ALMS1: variants seen among roughly 807,000 people sequenced by gnomAD.
ALMS1 encodes the protein ALMS1 centrosome and basal body associated protein.
In ALMS1, 271 loss-of-function variants were observed where a neutral mutation model predicts 352.2. The observed-to-expected ratio is 0.77, with a 90% confidence interval of 0.70 to 0.85. The LOEUF (loss-of-function observed/expected upper bound fraction) is 0.85, where lower values mean the gene tolerates loss of function less well. ALMS1 is among the 40% of genes least tolerant of loss of function. ALMS1 has a pLI of 0.00. For synonymous variants in ALMS1, 1,865 were observed against 1,761.2 expected (o/e 1.06, Z -1.48); for missense variants, 5,445 against 4,870.7 (o/e 1.12, Z -3.51).
chr2:73,491,914 C>T (rs977754520), intron 10 of ALMS1, among the ~76,000 whole-genome samples: 1 of 152,130 alleles, frequency 6.6e-6, no homozygotes, highest in Non-Finnish European at 1.5e-5. Context: ...CTCTCTGGTT[C>T]CATTTCATGA....
At chr2:73,571,317 A>G (rs138539346) in intron 15 of ALMS1, among the ~76,000 whole-genome samples, 1 of 152,324 alleles carries the variant, frequency 6.6e-6, no homozygotes, top group Non-Finnish European at 1.5e-5. Context: ...TTGATGTCAT[A>G]TCAGAGATTA....
chr2:73,440,569 G>A (rs1226387689), intron 7 of ALMS1, among the ~76,000 whole-genome samples: 2 of 151,400 alleles, frequency 1.3e-5, no homozygotes, highest in Non-Finnish European at 2.9e-5. Flanking sequence ...AATCATGGGC[G>A]TGTGCTACCA....
chr2:73,411,235 T>C lies in ALMS1; in HGVS notation c.450+2488T>C, dbSNP rs374215355. The stretch of plus-strand genomic sequence containing the variant: ...CAAGGAGAAGATGGCCGTGTGAAGA[T>C]GGAGGCAGAAATTGGAATTATGCTG... On this transcript the variant is annotated intron_variant, in intron 2 of 22. Coordinates refer to ENST00000613296, the MANE Select transcript of ALMS1 (RefSeq NM_001378454.1). Among the ~76,000 whole-genome samples the C allele has an allele frequency of 8.6e-5, 13 of 151,624 alleles. No individual in the cohort carries two copies. In the East Asian group the frequency reaches 1.2e-3, roughly 14 times the overall value.
intron 12 of ALMS1, among the ~76,000 whole-genome samples, chr2:73,539,399 G>T (rs1184757964): frequency 6.6e-6 from 1 of 151,990 alleles, no homozygotes. Flanking sequence ...AAAGACCAAA[G>T]GTAGATAAAA....
In ALMS1 at chr2:73,424,583, T is replaced by G; in HGVS notation, c.918T>G (p.Val306=). The G allele has an allele frequency of 6.2e-7, 1 of 1,614,024 alleles. No individual in the cohort carries two copies. Among genetic ancestry groups the G allele is most frequent in the South Asian group, 1.1e-5 (1 of 91,080 alleles). The part of the protein sequence containing the change: ...SQHPLIGSTA[V]GSQCPFLPSE... ...ACCCGCTTATAGGCAGCACAGCTGTTGGGTCTCAGTGCCCTTTTTTACCTT... is the reference window on the plus strand; with the variant it reads ...ACCCGCTTATAGGCAGCACAGCTGTGGGGTCTCAGTGCCCTTTTTTACCTT... The change falls in exon 5 of 23, where the codon GTT becomes GTG. Residue 306 remains valine (V), a synonymous_variant. Transcript: ENST00000613296.
chr2:73,488,140 GTCTGCCATC>G lies in ALMS1; in HGVS notation c.7675-1483_7675-1475del, dbSNP rs368612220. On this transcript the variant is annotated intron_variant, in intron 9 of 22. Coordinates refer to ENST00000613296, the MANE Select transcript of ALMS1 (RefSeq NM_001378454.1). Reference sequence around the variant, plus strand: ...CCTGCCCCTTTCTGCCCAGGAGCCTGTCTGCCATCTCTGCCATCTACGGTACCCATGGCA... The same window carrying G: ...CCTGCCCCTTTCTGCCCAGGAGCCTGTCTGCCATCTACGGTACCCATGGCA... 4.0e-3 allele frequency among the ~76,000 whole-genome samples: 604 copies of G among 152,326 alleles called. 5 individuals carry two copies. The highest frequency in any genetic ancestry group is 0.012 in the African/African-American group (501 of 41,578).
In ALMS1 at chr2:73,452,074, T is replaced by C; in HGVS notation, c.5547T>C (p.Asn1849=). 6.2e-7 allele frequency: 1 copy of C among 1,614,084 alleles called. No individual in the cohort carries two copies. Among genetic ancestry groups the C allele is most frequent in the Non-Finnish European group, 8.5e-7 (1 of 1,180,004 alleles). ...QKTGINILPS[N]SYPQREHSVI... is the part of the protein sequence containing the mutation. ...CTGGAATAAACATCCTGCCCTCTAA[T>C]TCCTACCCACAGAGAGAGCACTCTG... Residue 1849 remains asparagine (N), a synonymous_variant, in exon 8 of 23, where the codon AAT becomes AAC. Coordinates refer to ENST00000613296, the MANE Select transcript of ALMS1 (RefSeq NM_001378454.1).
chr2:73,590,713 C>G (rs1166560322), intron 16 of ALMS1, among the ~76,000 whole-genome samples: 6 of 130,090 alleles, frequency 4.6e-5, no homozygotes, highest in Non-Finnish European at 9.3e-5. Context: ...ATGTCTCGCT[C>G]TGTCACCCAG....
At chr2:73,411,032 G>A (rs1049662919) in intron 2 of ALMS1, among the ~76,000 whole-genome samples, 2 of 151,900 alleles carry the variant, frequency 1.3e-5, no homozygotes, top group Admixed American at 6.6e-5. Flanking sequence ...GTTTTGGGTC[G>A]AATTGTGCCC....
At chr2:73,481,154 A>G (rs1018407947) in intron 9 of ALMS1, among the ~76,000 whole-genome samples, 8 of 152,128 alleles carry the variant, frequency 5.3e-5, no homozygotes, top group East Asian at 1.9e-4. Flanking sequence ...CCTTGCCCAC[A>G]CCTATGTCCT....
At chr2:73,568,599 G>C (rs1184934455) in intron 15 of ALMS1, among the ~76,000 whole-genome samples, 1 of 152,148 alleles carries the variant, frequency 6.6e-6, no homozygotes, top group Non-Finnish European at 1.5e-5. Flanking sequence ...TTTTCTATAA[G>C]AAAACTTGTT....
chr2:73,476,829 C>G (rs1261897121), intron 9 of ALMS1, among the ~76,000 whole-genome samples: 1 of 152,078 alleles, frequency 6.6e-6, no homozygotes, highest in Non-Finnish European at 1.5e-5. Context: ...GCATCAGATA[C>G]AGTGAGTCTT....
chr2:73,426,442 C>T lies in ALMS1; in HGVS notation c.1238-11C>T, dbSNP rs1553400951. The T allele has an allele frequency of 1.2e-6, 2 of 1,613,516 alleles. No homozygotes were observed. Among genetic ancestry groups the T allele is most frequent in the African/African-American group, 2.7e-5 (2 of 75,024 alleles). ...TACATACAATTATGCAAAATGACTC[C>T]TATTTTGTAGAGGGCCTGCAGGGGA... On this transcript the variant is annotated splice_polypyrimidine_tract_variant and intron_variant, in intron 5 of 22. Coordinates refer to ENST00000613296, the MANE Select transcript of ALMS1 (RefSeq NM_001378454.1).
chr2:73,558,314 G>A (rs1012807608), intron 14 of ALMS1, among the ~76,000 whole-genome samples: 1 of 152,032 alleles, frequency 6.6e-6, no homozygotes, highest in African/African-American at 2.4e-5. Flanking sequence ...TCTTCTTTAG[G>A]TATTGCTTGT....
chr2:73,496,174 C>G (rs1673102582), intron 10 of ALMS1, among the ~76,000 whole-genome samples: 2 of 152,188 alleles, frequency 1.3e-5, no homozygotes. Context: ...ACAATTCTAT[C>G]CATTGCTACA....
intron 9 of ALMS1, among the ~76,000 whole-genome samples, chr2:73,483,761 A>G (rs1672764758): frequency 6.8e-6 from 1 of 148,066 alleles, no homozygotes; most frequent in Non-Finnish European, 1.5e-5. Context: ...GTGCTCCTGT[A>G]TTGGGTGCAT....
chr2:73,448,460 C>A lies in ALMS1; in HGVS notation c.1933C>A (p.Pro645Thr), dbSNP rs146234123. 6.2e-7 allele frequency: 1 copy of A among 1,612,684 alleles called. No individual in the cohort carries two copies. Among genetic ancestry groups the A allele is most frequent in the Non-Finnish European group, 8.5e-7 (1 of 1,179,664 alleles). ...ELPESNLTEE[P>T]LEVSAAPGPV... Reference sequence around the variant, plus strand: ...ACCAGAGAGTAACTTAACCGAAGAGCCTTTGGAAGTTTCAGCTGCTCCTGG... The same window carrying A: ...ACCAGAGAGTAACTTAACCGAAGAGACTTTGGAAGTTTCAGCTGCTCCTGG... Residue 645 changes from proline to threonine, a missense_variant, in exon 8 of 23, where the codon CCT becomes ACT. By Grantham distance (38) the Pro-to-Thr change is conservative. Coordinates refer to ENST00000613296, the MANE Select transcript of ALMS1 (RefSeq NM_001378454.1).
chr2:73,542,533 G>T (rs1674208792), intron 12 of ALMS1, among the ~76,000 whole-genome samples: 1 of 152,132 alleles, frequency 6.6e-6, no homozygotes, highest in African/African-American at 2.4e-5. Flanking sequence ...GCAGGGGAAG[G>T]AAATAAAGGG....
Position 73,448,522 on chromosome 2 carries a change from C to T in ALMS1, c.1995C>T (p.Ser665=), listed in dbSNP as rs1671853625. ...AGAAGACGGGAATACCTACAGTATC[C>T]TCTACATCCCACTCACATGTAGAGG... ...VEQKTGIPTV[S]STSHSHVEDL... is the part of the protein sequence containing the mutation. Residue 665 remains serine, a synonymous_variant, in exon 8 of 23, where the codon TCC becomes TCT. Coordinates refer to ENST00000613296, the MANE Select transcript of ALMS1 (RefSeq NM_001378454.1). The T allele has an allele frequency of 1.9e-6, 3 of 1,613,892 alleles. No individual in the cohort carries two copies. The highest frequency in any genetic ancestry group is 2.5e-6 in the Non-Finnish European group (3 of 1,179,896).
Sources: gnomAD v4.1 joint callset for allele counts (sites outside exome capture counted in the v4.1 genomes callset) on GRCh38, gnomAD v4.1.1 for gene constraint, MANE v1.5 for transcripts, NCBI Gene and HGNC (gene_info 2026-07-23, HGNC 2026-07-21) for gene names.